The following NATD1 variants were observed in gnomAD, a reference collection of about 807,000 sequenced individuals.
The protein encoded by NATD1 is N-acetyltransferase domain containing 1.
NATD1 carries 9 observed loss-of-function variants against 12.0 expected under a neutral mutation model. The ratio of observed to expected loss-of-function variants is 0.75; its 90% CI spans 0.45 to 1.30. The LOEUF (loss-of-function observed/expected upper bound fraction) is 1.30, where lower values mean the gene tolerates loss of function less well. NATD1 is among the 50% of genes most tolerant of loss of function. NATD1 has a pLI of 0.00. For missense variants in NATD1, 148 were observed against 148.5 expected (o/e 1.00, Z 0.02); for synonymous variants, 71 against 65.9 (o/e 1.08, Z -0.37).
intron 1 of NATD1, among the ~76,000 whole-genome samples, chr17:21,247,419 C>T (rs1377380993): frequency 6.6e-6 from 1 of 152,146 alleles, no homozygotes; most frequent in South Asian, 2.1e-4. Flanking sequence ...GTGGCCCAAG[C>T]GTGTGCAGCC....
intron 1 of NATD1, among the ~76,000 whole-genome samples, chr17:21,248,653 C>G: frequency 6.6e-6 from 1 of 152,216 alleles, no homozygotes. Flanking sequence ...CCTGCTGTCT[C>G]GGCTCACAGT....
At position 21,244,528 on chromosome 17, in the gene NATD1, C is replaced by A. The variant is rs1391779620; in HGVS notation, c.107-304G>T. Among the ~76,000 whole-genome samples, 1 of 152,202 alleles carries A rather than the reference C, an allele frequency of 6.6e-6. No homozygotes were observed. Among genetic ancestry groups the A allele is most frequent in the African/African-American group, 2.4e-5 (1 of 41,450 alleles). On this transcript the variant is annotated intron_variant, in intron 1 of 2. Transcript: ENST00000611551. The surrounding 1 kb of genome is among the most constrained non-coding windows in gnomAD (Gnocchi z 5.2). ...TCCTAGCATCCCAGGGCCCTGCCAC[C>A]CCTTTCTGTAGCCCTGCTCCCTGCA...
At chr17:21,249,478 G>C (rs150284205) in intron 1 of NATD1, among the ~76,000 whole-genome samples, 3 of 152,108 alleles carry the variant, frequency 2.0e-5, no homozygotes, top group Non-Finnish European at 2.9e-5. Context: ...CACAGCCAGC[G>C]GCCTCATATT....
rs17855541 is a variant in NATD1 at position 21,244,138 on chromosome 17, G to A, written c.193C>T (p.Arg65Cys). 34 of 1,612,758 alleles carry A rather than the reference G, an allele frequency of 2.1e-5. No homozygotes were observed. Among genetic ancestry groups the A allele is most frequent in the East Asian group, 4.5e-5 (2 of 44,826 alleles). The change falls in exon 2 of 3, where the codon CGT becomes TGT. Residue 65 changes from arginine (R) to cysteine (C), a missense_variant. Coordinates refer to ENST00000611551, the MANE Select transcript of NATD1 (RefSeq NM_152914.3). This position sits in a 1 kb window ranked among gnomAD's most constrained non-coding sequence, Gnocchi z 5.2. ...LQHTEVPDAY[R>C]GRGIAKHLAK... ...AGGTGCTTGGCGATGCCACGCCCAC[G>A]GTAGGCATCTGGGACCTCGGTGTGC...
intron 1 of NATD1, among the ~76,000 whole-genome samples, chr17:21,251,253 G>A (rs1228311154): frequency 2.0e-5 from 3 of 150,404 alleles, no homozygotes; most frequent in Non-Finnish European, 4.4e-5. Flanking sequence ...GCTCTGGAGG[G>A]CTGTCCTTTG....
Position 21,242,295 on chromosome 17 carries a change from C to T in NATD1, c.*1018G>A, listed in dbSNP as rs532171987. On this transcript the variant is annotated 3_prime_UTR_variant, in exon 3 of 3. Coordinates refer to ENST00000611551, the MANE Select transcript of NATD1 (RefSeq NM_152914.3). ...GCTGGGTTGGGGAGGAGCCCAGGGC[C>T]AGATGGGCAGCAAAGTGTATCCGGC... 13 of 152,450 alleles carry T rather than the reference C, an allele frequency of 8.5e-5. 1 individual carries two copies. In the East Asian group the frequency reaches 2.5e-3, roughly 29 times the overall value. 9.4% of individuals were successfully genotyped at this position (152,450 alleles called of 1,614,324 possible). A position where few individuals can be genotyped will look rare whatever the true frequency, so the allele number is the denominator to read the frequency against.
chr17:21,245,346 A>T (rs1975316233), intron 1 of NATD1, among the ~76,000 whole-genome samples: 1 of 152,160 alleles, frequency 6.6e-6, no homozygotes, highest in South Asian at 2.1e-4. Context: ...AAAGGGACAG[A>T]TGTGATTCAC....
chr17:21,248,065 G>A (rs1975342036), intron 1 of NATD1, among the ~76,000 whole-genome samples: 1 of 151,918 alleles, frequency 6.6e-6, no homozygotes, highest in African/African-American at 2.4e-5. Context: ...TGGTGGGGCT[G>A]TATGTGAGGA....
At position 21,241,322 on chromosome 17, in the gene NATD1, T is replaced by C. The variant is rs1975270066; in HGVS notation, c.*1991A>G. On this transcript the variant is annotated 3_prime_UTR_variant, in exon 3 of 3. Transcript: ENST00000611551. ...AGCTCACTGAGCTCCTGAGTGGTCA[T>C]GATTGACTATGTGCTTGAACTTGGG... 6.6e-6 allele frequency: 1 copy of C among 152,382 alleles called. No individual in the cohort carries two copies. 9.4% of individuals were successfully genotyped at this position (152,382 alleles called of 1,614,324 possible).
At chr17:21,243,570 C>T (rs966612724) in intron 2 of NATD1, 141 bp from the exon 3 acceptor site, 13 of 632,332 alleles carry the variant, frequency 2.1e-5, no homozygotes, top group African/African-American at 1.8e-4. Context: ...GTTTCAGTGT[C>T]ACCTGGGATG....
rs1975238470 is a variant in NATD1, at chr17:21,239,023, G to A, written c.*4290C>T. ...ACTCTTATGTAAAGTTTAGGGCATT[G>A]GATCTGGAAGGAGTGGGACCCTGAG... On this transcript the variant is annotated 3_prime_UTR_variant, in exon 3 of 3. Transcript: ENST00000611551. 1 of 152,188 alleles carries A rather than the reference G, an allele frequency of 6.6e-6. No individual in the cohort carries two copies. Among genetic ancestry groups the A allele is most frequent in the South Asian group, 2.1e-4 (1 of 4,832 alleles). 9.4% of individuals were successfully genotyped at this position (152,188 alleles called of 1,614,324 possible). A position where few individuals can be genotyped will look rare whatever the true frequency, so the allele number is the denominator to read the frequency against.
At chr17:21,250,075 GAGCAGC>G (rs913385436) in intron 1 of NATD1, among the ~76,000 whole-genome samples, 1 of 152,232 alleles carries the variant, frequency 6.6e-6, no homozygotes, top group African/African-American at 2.4e-5. Flanking sequence ...GCTCCCCTTA[GAGCAGC>G]AGCTAGAGGG....
intron 1 of NATD1, among the ~76,000 whole-genome samples, chr17:21,247,404 C>T (rs571731559): frequency 3.9e-5 from 6 of 152,284 alleles, no homozygotes; most frequent in South Asian, 2.1e-4. Context: ...AGGACAGAAG[C>T]GGTGGTGGCC....
chr17:21,243,360 C>A lies in NATD1; in HGVS notation c.295G>T (p.Val99Phe). 6.2e-7 allele frequency: 1 copy of A among 1,613,456 alleles called. No individual in the cohort carries two copies. The highest frequency in any genetic ancestry group is 2.2e-5 in the East Asian group (1 of 44,862). The change falls in exon 3 of 3, where the codon GTC becomes TTC. Residue 99 changes from valine to phenylalanine, a missense_variant. Val to Phe is a conservative substitution (Grantham distance 50). Transcript: ENST00000611551. ...TACTGCGGCAGGGGGTTCTCCTTGA[C>A]GTACTTCTGGATGTACCAGCAGGTG... Reference protein sequence around the residue: ...HLTCWYIQKYVKENPLPQYLE... With the variant: ...HLTCWYIQKYFKENPLPQYLE...
At chr17:21,247,873 T>G (rs1038571359) in intron 1 of NATD1, among the ~76,000 whole-genome samples, 2 of 152,126 alleles carry the variant, frequency 1.3e-5, no homozygotes, top group Non-Finnish European at 2.9e-5. Context: ...GCTACCCTGG[T>G]GTCCTGCTGT....
chr17:21,247,892 G>C (rs1407974059), intron 1 of NATD1, among the ~76,000 whole-genome samples: 1 of 152,200 alleles, frequency 6.6e-6, no homozygotes, highest in Non-Finnish European at 1.5e-5. Flanking sequence ...GTCCCGTCAT[G>C]GGTGCTGCGG....
chr17:21,246,814 C>T (rs1975329379), intron 1 of NATD1, among the ~76,000 whole-genome samples: 1 of 152,140 alleles, frequency 6.6e-6, no homozygotes, highest in Non-Finnish European at 1.5e-5. Flanking sequence ...ACAAGGACCC[C>T]AAAGGACATG....
At chr17:21,249,568 A>G in intron 1 of NATD1, among the ~76,000 whole-genome samples, 1 of 152,200 alleles carries the variant, frequency 6.6e-6, no homozygotes, top group East Asian at 1.9e-4. Flanking sequence ...GAGGGAGGCC[A>G]GGGGCAGCAG....
chr17:21,243,474 C>T (rs1400968210), intron 2 of NATD1, 45 bp from the exon 3 acceptor site: 18 of 1,502,136 alleles, frequency 1.2e-5, no homozygotes, highest in Non-Finnish European at 1.6e-5. Flanking sequence ...CTGCAGCCGG[C>T]ACCAGAAGGT....
Sources: gnomAD v4.1 joint callset for allele counts (sites outside exome capture counted in the v4.1 genomes callset) on GRCh38, gnomAD v4.1.1 for gene constraint, Gnocchi (gnomAD v3.1) non-coding constraint, MANE v1.5 for transcripts, NCBI Gene and HGNC (gene_info 2026-07-23, HGNC 2026-07-21) for gene names.